Variants in RFX3 observed in about 807,000 individuals in gnomAD.
RFX3 encodes the protein transcription factor RFX3.
RFX3 carries 14 observed loss-of-function variants against 98.6 expected under a neutral mutation model. That is an observed-to-expected ratio of 0.14 (90% CI 0.09 to 0.22). The LOEUF (loss-of-function observed/expected upper bound fraction) is 0.22, where lower values mean the gene tolerates loss of function less well. Ranked by LOEUF, RFX3 falls within the 10% of genes least tolerant of loss-of-function variation. RFX3 has a pLI of 1.00. For missense variants in RFX3, 639 were observed against 926.9 expected (o/e 0.69, Z 4.03); for synonymous variants, 383 against 328.4 (o/e 1.17, Z -1.80).
At chr9:3,243,133 G>C (rs1820181579) in intron 15 of RFX3, among the ~76,000 whole-genome samples, 1 of 151,906 alleles carries the variant, frequency 6.6e-6, no homozygotes, top group Non-Finnish European at 1.5e-5. Context: ...GAGTTGTATG[G>C]AAAGCTTTAT....
intron 6 of RFX3, among the ~76,000 whole-genome samples, chr9:3,288,507 A>C (rs1826929936): frequency 6.6e-6 from 1 of 152,120 alleles, no homozygotes; most frequent in Non-Finnish European, 1.5e-5. Context: ...CTTAAATATT[A>C]GTCAAACAGT....
intron 7 of RFX3, among the ~76,000 whole-genome samples, chr9:3,281,780 A>G (rs1825944171): frequency 6.6e-6 from 1 of 151,852 alleles, no homozygotes; most frequent in Non-Finnish European, 1.5e-5. Context: ...GCTATTTAGG[A>G]CTTGGACAGT....
At position 3,423,873 on chromosome 9, in the gene RFX3, C is replaced by T. The variant is rs1009961233; in HGVS notation, c.-8-28277G>A. 1.1e-4 allele frequency among the ~76,000 whole-genome samples: 16 copies of T among 147,560 alleles called. No homozygotes were observed. In the East Asian group the frequency reaches 2.3e-3, roughly 21 times the overall value. ...ATATATTTAAAACAAGAAGGCCAGG[C>T]GCGGTGGCTCACGCCTGTAATCCCA... is the stretch of plus-strand genomic sequence containing the variant. On this transcript the variant is annotated intron_variant, in intron 1 of 16. Transcript: ENST00000617270.
intron 1 of RFX3, among the ~76,000 whole-genome samples, chr9:3,522,683 T>C (rs970197472): frequency 1.3e-5 from 2 of 152,108 alleles, no homozygotes; most frequent in African/African-American, 4.8e-5. Context: ...AAAATCATTA[T>C]ATTCTGCCTG....
chr9:3,422,021 G>C (rs13301035), intron 1 of RFX3, among the ~76,000 whole-genome samples: 1 of 151,430 alleles, frequency 6.6e-6, no homozygotes, highest in Non-Finnish European at 1.5e-5. Context: ...AAAAATCTAA[G>C]GAGGCATTTG....
intron 1 of RFX3, among the ~76,000 whole-genome samples, chr9:3,452,835 G>A (rs1846785055): frequency 6.6e-6 from 1 of 152,170 alleles, no homozygotes; most frequent in Non-Finnish European, 1.5e-5. Context: ...CTTTGTATCT[G>A]CTATCTGTGT....
chr9:3,225,423 C>T (rs1351441345), intron 16 of RFX3, 143 bp from the exon 17 acceptor site: 1 of 1,280,048 alleles, frequency 7.8e-7, no homozygotes. Flanking sequence ...TAGAGGTTTT[C>T]TTTTCATCAG....
intron 15 of RFX3, among the ~76,000 whole-genome samples, chr9:3,234,558 C>T (rs1045717431): frequency 6.6e-6 from 1 of 152,046 alleles, no homozygotes; most frequent in Non-Finnish European, 1.5e-5. Flanking sequence ...GGAGAATCAC[C>T]GTCCAAGGTG....
chr9:3,483,196 C>A (rs1849946625), intron 1 of RFX3, among the ~76,000 whole-genome samples: 1 of 152,048 alleles, frequency 6.6e-6, no homozygotes, highest in Admixed American at 6.6e-5. Flanking sequence ...TACCCGACCC[C>A]CAAACAGAAG....
chr9:3,417,208 A>T (rs1023226614), intron 1 of RFX3, among the ~76,000 whole-genome samples: 1 of 152,022 alleles, frequency 6.6e-6, no homozygotes, highest in Non-Finnish European at 1.5e-5. Flanking sequence ...ATAAAACGAA[A>T]CCTAGTTGAT....
intron 3 of RFX3, among the ~76,000 whole-genome samples, chr9:3,338,328 C>T (rs1430371369): frequency 6.6e-6 from 1 of 152,162 alleles, no homozygotes; most frequent in Non-Finnish European, 1.5e-5. Flanking sequence ...ATTGCTACAG[C>T]TACTGGGGAG....
At chr9:3,268,673 C>G (rs903461994) in intron 11 of RFX3, among the ~76,000 whole-genome samples, 2 of 151,708 alleles carry the variant, frequency 1.3e-5, no homozygotes, top group African/African-American at 4.8e-5. Context: ...GTTTTCAAAT[C>G]AAAATTTGCA....
At chr9:3,450,402 G>T (rs1047794990) in intron 1 of RFX3, among the ~76,000 whole-genome samples, 5 of 151,310 alleles carry the variant, frequency 3.3e-5, no homozygotes, top group Non-Finnish European at 5.9e-5. Context: ...CTATTTTTTT[G>T]TTTTTCTCTT....
chr9:3,370,316 T>A (rs1837697695), intron 2 of RFX3, among the ~76,000 whole-genome samples: 1 of 151,788 alleles, frequency 6.6e-6, no homozygotes, highest in Non-Finnish European at 1.5e-5. Context: ...TATTCAAAAG[T>A]AAGTAGTTTT....
chr9:3,503,225 A>T (rs1587874903), intron 1 of RFX3, among the ~76,000 whole-genome samples: 2 of 152,170 alleles, frequency 1.3e-5, no homozygotes, highest in South Asian at 4.1e-4. Context: ...GCCTGGGCAT[A>T]TTTGCAAGTA....
intron 4 of RFX3, among the ~76,000 whole-genome samples, chr9:3,315,183 C>T (rs1337648753): frequency 6.6e-6 from 1 of 152,042 alleles, no homozygotes; most frequent in African/African-American, 2.4e-5. Context: ...TCTCTCAGAC[C>T]ACAGTGCAAT....
chr9:3,295,616 G>A (rs1236082295), intron 5 of RFX3, among the ~76,000 whole-genome samples: 2 of 152,018 alleles, frequency 1.3e-5, no homozygotes, highest in Admixed American at 1.3e-4. Flanking sequence ...CCACAAGCAT[G>A]GAACACACAA....
chr9:3,515,385 T>C (rs763963091), intron 1 of RFX3, among the ~76,000 whole-genome samples: 2 of 152,214 alleles, frequency 1.3e-5, no homozygotes, highest in East Asian at 3.8e-4. Flanking sequence ...CAAAAATAGA[T>C]GTATTCTGCA....
chr9:3,417,299 T>C (rs953390630), intron 1 of RFX3, among the ~76,000 whole-genome samples: 2 of 152,014 alleles, frequency 1.3e-5, no homozygotes, highest in Non-Finnish European at 2.9e-5. Context: ...AGTAAAGATA[T>C]AAAAAAATTT....
Sources: allele counts gnomAD v4.1 joint callset (sites outside exome capture counted in the v4.1 genomes callset), GRCh38; gene constraint gnomAD v4.1.1; transcripts MANE v1.5; gene names NCBI Gene and HGNC (gene_info 2026-07-23, HGNC 2026-07-21).